Variants in UGT2B11 observed in about 807,000 individuals in gnomAD.
UGT2B11 encodes UDP-glucuronosyltransferase 2B11.
In UGT2B11, 49 loss-of-function variants were observed where a neutral mutation model predicts 51.7. The observed-to-expected ratio is 0.95, with a 90% CI of 0.75 to 1.20. UGT2B11 has a LOEUF of 1.20. Ranked by LOEUF, UGT2B11 falls within the 50% of genes most tolerant of loss-of-function variation. UGT2B11 has a pLI of 0.00. For synonymous variants in UGT2B11, 273 were observed against 209.0 expected, an observed-to-expected ratio of 1.31 and a Z score of -2.64; for missense variants, 810 against 622.1, an observed-to-expected ratio of 1.30 and a Z score of -3.21.
the UGT2B11 span, among the ~76,000 whole-genome samples, chr4:69,223,578 G>A: frequency 0.023 from 3,442 of 152,274 alleles, 67 homozygotes; most frequent in Middle Eastern, 0.092. Flanking sequence ...TGGGACTGAG[G>A]CACCACTGAT....
Position 69,214,353 on chromosome 4 carries a change from T to C in UGT2B11, c.370A>G (p.Arg124Gly), listed in dbSNP as rs1722190781. 1 of 1,612,650 alleles carries C rather than the reference T, an allele frequency of 6.2e-7. No individual in the cohort carries two copies. Among genetic ancestry groups the C allele is most frequent in the Non-Finnish European group, 8.5e-7 (1 of 1,179,364 alleles). The change falls in exon 1 of 6, where the codon AGA becomes GGA. Residue 124 changes from arginine (R) to glycine (G), a missense_variant. Coordinates refer to ENST00000446444, the MANE Select transcript of UGT2B11 (RefSeq NM_001073.3). ...EILWELYDIF[R>G]NFCKDVVSNK... The stretch of plus-strand genomic sequence containing the variant: ...GAAACTACATCTTTACAGAAGTTTC[T>C]AAATATGTCATATAATTCCCACAGG...
chr4:69,210,594 C>T (rs1372971071), intron 2 of UGT2B11, among the ~76,000 whole-genome samples: 2 of 151,442 alleles, frequency 1.3e-5, no homozygotes, highest in Non-Finnish European at 3.0e-5. Flanking sequence ...TTTTTCTTGT[C>T]CTTTTACACC....
upstream of UGT2B11, chr4:69,216,101 T>A (rs1722265972): frequency 6.6e-6 from 1 of 151,936 alleles, no homozygotes; most frequent in African/African-American, 2.4e-5. Flanking sequence ...ATACTGCCAG[T>A]TGTAAATGGA....
the UGT2B11 span, among the ~76,000 whole-genome samples, chr4:69,221,847 C>G: frequency 6.6e-6 from 1 of 152,222 alleles, no homozygotes; most frequent in Admixed American, 6.5e-5. Context: ...GGCGCTTGCC[C>G]CAGGCACACT....
At chr4:69,214,969 T>G, upstream of UGT2B11, 2,300 of 405,250 alleles carry the variant, frequency 5.7e-3, no homozygotes, top group Non-Finnish European at 7.8e-3. Context: ...ACCTTGCAAG[T>G]ACCCTGTTTT....
chr4:69,200,179 A>C lies in UGT2B11; in HGVS notation c.*261T>G. On this transcript the variant is annotated 3_prime_UTR_variant, in exon 6 of 6. Coordinates refer to ENST00000446444, the MANE Select transcript of UGT2B11 (RefSeq NM_001073.3). Reference sequence around the variant, plus strand: ...CAATATAAGTGCAACAAATTTCAATATGAGCTCAAATGGCTTTATATTATT... The same window carrying C: ...CAATATAAGTGCAACAAATTTCAATCTGAGCTCAAATGGCTTTATATTATT... 1.3e-5 allele frequency: 4 copies of C among 309,130 alleles called. No individual in the cohort carries two copies. Among genetic ancestry groups the C allele is most frequent in the Non-Finnish European group, 2.2e-5 (4 of 183,754 alleles). 19.1% of individuals were successfully genotyped at this position (309,130 alleles called of 1,614,324 possible). A position where few individuals can be genotyped will look rare whatever the true frequency, so the allele number is the denominator to read the frequency against.
At chr4:69,216,412 G>A (rs550782625), upstream of UGT2B11, 3 of 151,940 alleles carry the variant, frequency 2.0e-5, no homozygotes, top group South Asian at 6.2e-4. Flanking sequence ...AAAAGATGTG[G>A]GATAAACCTC....
chr4:69,210,001 A>G (rs1310190158), intron 2 of UGT2B11, among the ~76,000 whole-genome samples: 4 of 151,606 alleles, frequency 2.6e-5, no homozygotes, highest in African/African-American at 9.7e-5. Flanking sequence ...TGTATTTTTT[A>G]TTATGGATTT....
chr4:69,208,868 T>C (rs920127257), intron 2 of UGT2B11, among the ~76,000 whole-genome samples: 1 of 151,694 alleles, frequency 6.6e-6, no homozygotes, highest in Admixed American at 6.6e-5. Context: ...ATGTTTTTGT[T>C]CTACTAAATC....
rs200881199 is a variant in UGT2B11 at position 69,212,680 on chromosome 4, T to C, written c.763A>G (p.Ile255Val). The C allele has an allele frequency of 2.2e-5, 36 of 1,609,992 alleles. No individual in the cohort carries two copies. The South Asian group carries it at 3.8e-4, about 17-fold the overall frequency. ...CTCCAGGAGTTTCGCATAAGCCATA[T>C]GTCAGCTTTTCCCATTGTCTCAAAT... ...TLFETMGKAD[I>V]WLMRNSWSFQ... is the part of the protein sequence containing the mutation. The change falls in exon 2 of 6, where the codon ATA becomes GTA. Residue 255 changes from isoleucine to valine, a missense_variant. Coordinates refer to ENST00000446444, the MANE Select transcript of UGT2B11 (RefSeq NM_001073.3).
the UGT2B11 span, among the ~76,000 whole-genome samples, chr4:69,220,473 C>T: frequency 3.3e-5 from 5 of 151,778 alleles, no homozygotes; most frequent in African/African-American, 1.2e-4. Flanking sequence ...GGGGGGCTCA[C>T]ACTACACATT....
At chr4:69,207,053 T>C (rs142286965) in intron 3 of UGT2B11, among the ~76,000 whole-genome samples, 1 of 151,178 alleles carries the variant, frequency 6.6e-6, no homozygotes, top group Non-Finnish European at 1.5e-5. Flanking sequence ...AATATTACCA[T>C]TATTGTTAAT....
chr4:69,205,243 T>C (rs1721805064), intron 4 of UGT2B11, among the ~76,000 whole-genome samples: 1 of 151,678 alleles, frequency 6.6e-6, no homozygotes, highest in South Asian at 2.1e-4. Context: ...ATTGAAAAAT[T>C]CTGTGAGATA....
chr4:69,215,158 A>G (rs1722228662), upstream of UGT2B11: 2 of 154,398 alleles, frequency 1.3e-5, no homozygotes, highest in Admixed American at 1.3e-4. Flanking sequence ...CATATGATTC[A>G]TCAATTAGTA....
chr4:69,218,202 A>G (rs1722323732), upstream of UGT2B11, among the ~76,000 whole-genome samples: 1 of 152,148 alleles, frequency 6.6e-6, no homozygotes, highest in African/African-American at 2.4e-5. Context: ...TTCAGCTTAG[A>G]GTCTACTTCT....
the UGT2B11 span, among the ~76,000 whole-genome samples, chr4:69,222,396 G>C: frequency 1.3e-5 from 2 of 152,200 alleles, no homozygotes; most frequent in Non-Finnish European, 2.9e-5. Context: ...GCATTGAGTA[G>C]TTCACAGGCT....
At chr4:69,205,743 T>C (rs1721830410) in intron 3 of UGT2B11, 176 bp from the exon 4 acceptor site, 1 of 719,036 alleles carries the variant, frequency 1.4e-6, no homozygotes, top group African/African-American at 1.9e-5. Context: ...ATGATTTAGA[T>C]ATATAAGAAA....
At chr4:69,222,022 G>T in the UGT2B11 span, among the ~76,000 whole-genome samples, 1 of 152,392 alleles carries the variant, frequency 6.6e-6, no homozygotes, top group Admixed American at 6.5e-5. Flanking sequence ...GTCCTACTAG[G>T]CAATTGGCCT....
chr4:69,223,460 C>T, the UGT2B11 span, among the ~76,000 whole-genome samples: 9 of 152,142 alleles, frequency 5.9e-5, no homozygotes, highest in Admixed American at 5.9e-4. Flanking sequence ...TGGAAACTTC[C>T]GTTGTCCCTG....
Sources: gnomAD v4.1 joint callset for allele counts (sites outside exome capture counted in the v4.1 genomes callset) on GRCh38, gnomAD v4.1.1 for gene constraint, MANE v1.5 for transcripts, NCBI Gene and HGNC (gene_info 2026-07-23, HGNC 2026-07-21) for gene names.